Variants in LCA5 observed in about 807,000 individuals in gnomAD.
LCA5 encodes lebercilin.
LCA5 carries 37 observed loss-of-function variants against 53.0 expected under a neutral mutation model. The observed-to-expected ratio is 0.70, with a 90% CI of 0.54 to 0.92. The LOEUF is 0.92. Among genes scored for constraint, LCA5 ranks in the 40% least tolerant of loss-of-function variants. LCA5 has a pLI of 0.00. For missense variants in LCA5, 806 were observed against 790.5 expected, an observed-to-expected ratio of 1.02 and a Z score of -0.23; for synonymous variants, 303 against 282.9, an observed-to-expected ratio of 1.07 and a Z score of -0.71.
intron 1 of LCA5, among the ~76,000 whole-genome samples, chr6:79,529,403 C>A (rs1433670523): frequency 1.3e-5 from 2 of 152,038 alleles, no homozygotes; most frequent in African/African-American, 4.8e-5. Flanking sequence ...TGTAACAAAC[C>A]GCAGGGCTCA....
At chr6:79,512,173 G>A (rs537672465) in intron 3 of LCA5, among the ~76,000 whole-genome samples, 5 of 152,222 alleles carry the variant, frequency 3.3e-5, no homozygotes, top group Non-Finnish European at 7.4e-5. Flanking sequence ...TAACTGTTCT[G>A]AGTCCCCACT....
intron 2 of LCA5, among the ~76,000 whole-genome samples, chr6:79,515,416 A>G (rs752434836): frequency 6.6e-6 from 1 of 152,150 alleles, no homozygotes; most frequent in African/African-American, 2.4e-5. Context: ...CACATCCTAA[A>G]AAATATAAGT....
intron 3 of LCA5, among the ~76,000 whole-genome samples, chr6:79,508,278 T>C (rs1284261681): frequency 6.6e-6 from 1 of 152,176 alleles, no homozygotes; most frequent in African/African-American, 2.4e-5. Flanking sequence ...TCCCCATAGA[T>C]ACCTTTGGCT....
chr6:79,515,898 T>C (rs753393699), intron 2 of LCA5, among the ~76,000 whole-genome samples: 4 of 152,078 alleles, frequency 2.6e-5, no homozygotes, highest in African/African-American at 9.7e-5. Flanking sequence ...TGCTTAATTA[T>C]TGCAACTTTG....
chr6:79,537,549 G>A (rs904315865), upstream of LCA5: 1 of 152,248 alleles, frequency 6.6e-6, no homozygotes, highest in African/African-American at 2.4e-5. Context: ...CGGCGAGTGC[G>A]GGAGAAGGTC....
rs574649380 is a variant in LCA5 at position 79,511,432 on chromosome 6, A to G, written c.720+1780T>C. 1.1e-4 allele frequency among the ~76,000 whole-genome samples: 16 copies of G among 152,290 alleles called. 1 individual carries two copies. In the South Asian group the frequency reaches 3.3e-3, roughly 32 times the overall value. On this transcript the variant is annotated intron_variant, in intron 3 of 7. Transcript: ENST00000369846. ...TTGAAATGACAAAATTAGAGAAATA[A>G]TGAGCAAATTAGCTGATGTCATAGG...
intron 7 of LCA5, 114 bp downstream of exon 7, chr6:79,488,970 C>A (rs988738409): frequency 8.2e-7 from 1 of 1,212,976 alleles, no homozygotes; most frequent in African/African-American, 1.5e-5. Context: ...ATCCACCTTT[C>A]TTTGTTCTAC....
chr6:79,527,032 G>C (rs1766812020), intron 1 of LCA5, among the ~76,000 whole-genome samples: 1 of 152,122 alleles, frequency 6.6e-6, no homozygotes, highest in African/African-American at 2.4e-5. Context: ...ACCACTTCCA[G>C]CCTCATGATT....
At chr6:79,524,017 T>A (rs1766708670) in intron 1 of LCA5, among the ~76,000 whole-genome samples, 1 of 152,206 alleles carries the variant, frequency 6.6e-6, no homozygotes, top group Non-Finnish European at 1.5e-5. Context: ...TGGTTATGCA[T>A]GGTTTTTCTC....
chr6:79,531,404 G>A (rs534895601), intron 1 of LCA5, among the ~76,000 whole-genome samples: 1 of 152,298 alleles, frequency 6.6e-6, no homozygotes, highest in South Asian at 2.1e-4. Flanking sequence ...TGAAGCTGAT[G>A]CTTGATTCCA....
intron 2 of LCA5, among the ~76,000 whole-genome samples, chr6:79,514,755 G>A (rs1205335554): frequency 2.0e-5 from 3 of 152,012 alleles, no homozygotes; most frequent in Admixed American, 6.6e-5. Flanking sequence ...GCAAACTAAC[G>A]CAGGAACAGA....
Position 79,518,701 on chromosome 6 carries a change from T to C in LCA5, c.190+4A>G, listed in dbSNP as rs757792468. ...TCCACCAGACTCTTTTAAAGAATGC[T>C]TACCTTGGTGATGTACTTGGCCATC... On this transcript the variant is annotated splice_donor_region_variant and intron_variant, in intron 2 of 7. Transcript: ENST00000369846. 1.2e-6 allele frequency: 2 copies of C among 1,613,906 alleles called. No individual in the cohort carries two copies. Among genetic ancestry groups the C allele is most frequent in the African/African-American group, 2.7e-5 (2 of 74,940 alleles).
At chr6:79,532,585 C>T (rs1385029786) in intron 1 of LCA5, among the ~76,000 whole-genome samples, 6 of 152,184 alleles carry the variant, frequency 3.9e-5, no homozygotes, top group Non-Finnish European at 7.4e-5. Context: ...TTTTTGCCAA[C>T]AGCCTTAGTA....
intron 3 of LCA5, among the ~76,000 whole-genome samples, chr6:79,497,825 T>C (rs1770023177): frequency 1.3e-5 from 2 of 151,686 alleles, no homozygotes; most frequent in South Asian, 4.2e-4. Flanking sequence ...ATACAAAAAT[T>C]AGCCAGGCGT....
intron 1 of LCA5, among the ~76,000 whole-genome samples, chr6:79,529,596 C>A (rs1766894991): frequency 6.6e-6 from 1 of 151,996 alleles, no homozygotes; most frequent in Admixed American, 6.6e-5. Context: ...TAGGCAACAT[C>A]CAGGAAGATG....
intron 3 of LCA5, among the ~76,000 whole-genome samples, chr6:79,508,116 C>T (rs1004572269): frequency 6.6e-6 from 1 of 152,150 alleles, no homozygotes; most frequent in Non-Finnish European, 1.5e-5. Context: ...AGTATACACA[C>T]TGAGGTAACT....
chr6:79,511,567 T>C (rs944899397), intron 3 of LCA5, among the ~76,000 whole-genome samples: 1 of 152,134 alleles, frequency 6.6e-6, no homozygotes, highest in African/African-American at 2.4e-5. Flanking sequence ...CACACGAATC[T>C]ATACATGTGA....
intron 1 of LCA5, among the ~76,000 whole-genome samples, chr6:79,521,171 G>A (rs1562110444): frequency 6.6e-6 from 1 of 152,162 alleles, no homozygotes; most frequent in Non-Finnish European, 1.5e-5. Flanking sequence ...TACAGGGGAA[G>A]GAAGGAAGCA....
intron 1 of LCA5, among the ~76,000 whole-genome samples, chr6:79,532,640 C>A (rs1444612740): frequency 6.6e-6 from 1 of 152,188 alleles, no homozygotes; most frequent in Non-Finnish European, 1.5e-5. Flanking sequence ...TCCTTCTCTT[C>A]TTCCTGTTCT....
Sources: allele counts gnomAD v4.1 joint callset (sites outside exome capture counted in the v4.1 genomes callset), GRCh38; gene constraint gnomAD v4.1.1; transcripts MANE v1.5; gene names NCBI Gene and HGNC (gene_info 2026-07-23, HGNC 2026-07-21).